ANKMY1: variants seen among roughly 807,000 people sequenced by gnomAD.
ANKMY1 encodes ankyrin repeat and MYND domain-containing protein 1.
ANKMY1 carries 98 observed loss-of-function variants against 102.0 expected under a neutral mutation model. The ratio of observed to expected loss-of-function variants is 0.96; its 90% CI spans 0.82 to 1.14. The LOEUF is 1.14. Ranked by LOEUF, ANKMY1 falls within the 50% of genes most tolerant of loss-of-function variation. The pLI is 0.00. For synonymous variants in ANKMY1, 582 were observed against 559.9 expected (o/e 1.04, Z -0.56); for missense variants, 1,330 against 1,347.6 (o/e 0.99, Z 0.20).
chr2:240,479,377 C>A, downstream of ANKMY1: 1 of 595,710 alleles, frequency 1.7e-6, no homozygotes, highest in South Asian at 2.1e-5. Context: ...ACGGGCTCCA[C>A]AAAAGCTCTG....
chr2:240,481,694 G>A (rs2075408813), intron 16 of ANKMY1, among the ~76,000 whole-genome samples: 1 of 152,192 alleles, frequency 6.6e-6, no homozygotes, highest in Non-Finnish European at 1.5e-5. Context: ...TAAAGAGACT[G>A]TTCTGGAACA....
upstream of ANKMY1, chr2:240,558,360 G>GT (rs2092644073): frequency 6.6e-6 from 1 of 152,306 alleles, no homozygotes; most frequent in African/African-American, 2.4e-5. Flanking sequence ...CCCGGCCTTT[G>GT]TTCATTCAGT....
At chr2:240,500,646 A>G (rs1225742584) in intron 13 of ANKMY1, 81 bp from the exon 14 acceptor site, 29 of 1,258,248 alleles carry the variant, frequency 2.3e-5, no homozygotes, top group Non-Finnish European at 2.3e-6. Flanking sequence ...GAGAAGGGCC[A>G]TGGTCACCTG....
At chr2:240,490,821 T>C (rs2076560680) in intron 15 of ANKMY1, among the ~76,000 whole-genome samples, 1 of 152,210 alleles carries the variant, frequency 6.6e-6, no homozygotes, top group Non-Finnish European at 1.5e-5. Flanking sequence ...AGATAAAATG[T>C]TCTGTAAATG....
At chr2:240,541,957 C>T (rs1336968258) in intron 4 of ANKMY1, among the ~76,000 whole-genome samples, 1 of 151,998 alleles carries the variant, frequency 6.6e-6, no homozygotes, top group Admixed American at 6.5e-5. Flanking sequence ...CGCCTGTAAT[C>T]CCAGCACCTT....
At chr2:240,545,145 C>T (rs1035828736) in intron 4 of ANKMY1, among the ~76,000 whole-genome samples, 3 of 152,250 alleles carry the variant, frequency 2.0e-5, no homozygotes, top group African/African-American at 7.2e-5. Flanking sequence ...GTTCTCCCAG[C>T]ACGCAGCTGG....
chr2:240,513,075 A>C, intron 9 of ANKMY1, 133 bp from the exon 10 acceptor site: 1 of 1,275,398 alleles, frequency 7.8e-7, no homozygotes, highest in Non-Finnish European at 1.1e-6. Flanking sequence ...CACCTGCCTC[A>C]CAACGTGCAG....
chr2:240,526,052 G>A (rs772237401), intron 6 of ANKMY1, 177 bp downstream of exon 6: 119 of 959,922 alleles, frequency 1.2e-4, no homozygotes, highest in Non-Finnish European at 1.6e-4. Flanking sequence ...ACTGGACCAC[G>A]AGTGTCACAC....
chr2:240,512,958 C>G lies in ANKMY1; in HGVS notation c.2005-16G>C. ...GGGTGCTCAGCTGCAGAGGAAACACCGGGGCGGGCAGTGAGGCACATTCTC... is the reference window on the plus strand; with the variant it reads ...GGGTGCTCAGCTGCAGAGGAAACACGGGGGCGGGCAGTGAGGCACATTCTC... On this transcript the variant is annotated splice_polypyrimidine_tract_variant and intron_variant, in intron 9 of 17. Transcript: ENST00000401804. 6.2e-7 allele frequency: 1 copy of G among 1,607,344 alleles called. No individual in the cohort carries two copies. Among genetic ancestry groups the G allele is most frequent in the Non-Finnish European group, 8.5e-7 (1 of 1,176,060 alleles).
At position 240,550,525 on chromosome 2, in the gene ANKMY1, T is replaced by TA. The variant is rs1205281225; in HGVS notation, c.480+2388dup. Among the ~76,000 whole-genome samples, 3 of 150,934 alleles carry TA rather than the reference T, an allele frequency of 2.0e-5. No homozygotes were observed. The South Asian group carries it at 6.3e-4, about 32-fold the overall frequency. On this transcript the variant is annotated intron_variant, in intron 4 of 17. Transcript: ENST00000401804. ...ACTTAAAGTATAATAATAATAAATT[T>TA]AAAAAAAAAGATCTTACTCTTGATG...
chr2:240,482,660 G>A (rs2075552911), intron 15 of ANKMY1, among the ~76,000 whole-genome samples: 1 of 152,198 alleles, frequency 6.6e-6, no homozygotes, highest in Non-Finnish European at 1.5e-5. Flanking sequence ...GTGGTCAGAG[G>A]ATATGAAATG....
chr2:240,504,698 T>C (rs2078759413), intron 13 of ANKMY1, among the ~76,000 whole-genome samples: 1 of 152,016 alleles, frequency 6.6e-6, no homozygotes, highest in African/African-American at 2.4e-5. Flanking sequence ...ATTAGGGAAA[T>C]ACGAATCAAC....
intron 3 of ANKMY1, chr2:240,553,363 A>C: frequency 2.8e-6 from 1 of 352,360 alleles, no homozygotes. Flanking sequence ...CTCCCTGGTG[A>C]CCTTGATCTT....
intron 15 of ANKMY1, among the ~76,000 whole-genome samples, chr2:240,491,749 T>C (rs189680937): frequency 1.8e-4 from 28 of 152,302 alleles, no homozygotes; most frequent in African/African-American, 6.5e-4. Context: ...CATTCTCTTA[T>C]GGCCTGTAAT....
At position 240,499,862 on chromosome 2, in the gene ANKMY1, A is replaced by G; in HGVS notation, c.2806+96T>C. On this transcript the variant is annotated intron_variant, in intron 15 of 17. Transcript: ENST00000401804. This position sits in a 1 kb window ranked among gnomAD's most constrained non-coding sequence, Gnocchi z 4.2. ...CCAGCCCCAGGAAGGCCCCTCCAAGAGCCCCAGGGGGTCCAGATCTCCAGG... is the reference window on the plus strand; with the variant it reads ...CCAGCCCCAGGAAGGCCCCTCCAAGGGCCCCAGGGGGTCCAGATCTCCAGG... 7.0e-7 allele frequency: 1 copy of G among 1,422,614 alleles called. No individual in the cohort carries two copies. Among genetic ancestry groups the G allele is most frequent in the Non-Finnish European group, 9.3e-7 (1 of 1,073,756 alleles). The allele number at this position is 1,422,614 out of a possible 1,614,324, so 88.1% of individuals were successfully genotyped here.
At chr2:240,545,808 GA>G (rs993877992) in intron 4 of ANKMY1, among the ~76,000 whole-genome samples, 7 of 152,230 alleles carry the variant, frequency 4.6e-5, no homozygotes, top group African/African-American at 1.7e-4. Flanking sequence ...GAAGTTTAGA[GA>G]AAAAAGAATA....
At chr2:240,541,448 T>A (rs1184453734) in intron 4 of ANKMY1, among the ~76,000 whole-genome samples, 1 of 152,124 alleles carries the variant, frequency 6.6e-6, no homozygotes, top group Non-Finnish European at 1.5e-5. Flanking sequence ...GAATTCAGAG[T>A]TTGCTGTTCA....
At chr2:240,531,296 A>C (rs980121135) in intron 4 of ANKMY1, among the ~76,000 whole-genome samples, 1 of 152,248 alleles carries the variant, frequency 6.6e-6, no homozygotes, top group Non-Finnish European at 1.5e-5. Flanking sequence ...GACTAAATGC[A>C]AAACGGCACA....
intron 13 of ANKMY1, among the ~76,000 whole-genome samples, chr2:240,503,221 C>A (rs2078515857): frequency 6.6e-6 from 1 of 152,204 alleles, no homozygotes; most frequent in African/African-American, 2.4e-5. Flanking sequence ...GAACATGGAT[C>A]TTTCAGTGGG....
Sources: gnomAD v4.1 joint callset for allele counts (sites outside exome capture counted in the v4.1 genomes callset) on GRCh38, gnomAD v4.1.1 for gene constraint, Gnocchi (gnomAD v3.1) non-coding constraint, MANE v1.5 for transcripts, NCBI Gene and HGNC (gene_info 2026-07-23, HGNC 2026-07-21) for gene names.